Variants in DENND6B observed in about 807,000 individuals in gnomAD.
DENND6B encodes the protein protein DENND6B.
DENND6B carries 73 observed loss-of-function variants against 85.1 expected under a neutral mutation model. That is an observed-to-expected ratio of 0.86 (90% CI 0.71 to 1.04). DENND6B has a LOEUF of 1.04. Among genes scored for constraint, DENND6B ranks in the 50% least tolerant of loss-of-function variants. DENND6B has a pLI of 0.00. For synonymous variants in DENND6B, 357 were observed against 329.3 expected, an observed-to-expected ratio of 1.08 and a Z score of -0.91; for missense variants, 715 against 785.8, an observed-to-expected ratio of 0.91 and a Z score of 1.08.
In DENND6B at chr22:50,312,241, C is replaced by T. The variant is rs1368365135; in HGVS notation, c.1656G>A (p.Gln552=). 3 of 1,612,200 alleles carry T rather than the reference C, an allele frequency of 1.9e-6. No individual in the cohort carries two copies. The highest frequency in any genetic ancestry group is 2.5e-6 in the Non-Finnish European group (3 of 1,179,668). ...REKLVRAQGH[Q]LPVKEATLQR... is the part of the protein sequence containing the mutation. Reference sequence around the variant, plus strand: ...GCAGCGTAGCCTCCTTCACAGGGAGCTGGTGGCCCTGAGCCCGCACCTGGA... The same window carrying T: ...GCAGCGTAGCCTCCTTCACAGGGAGTTGGTGGCCCTGAGCCCGCACCTGGA... The change falls in exon 20 of 20, where the codon CAG becomes CAA. Residue 552 remains glutamine, a synonymous_variant. Transcript: ENST00000413817.
rs1427210256 is a variant in DENND6B, at chr22:50,313,618, C to T, written c.1293+17G>A. On this transcript the variant is annotated intron_variant, in intron 15 of 19. Coordinates refer to ENST00000413817, the MANE Select transcript of DENND6B (RefSeq NM_001001794.4). ...CCCGTGCCCCCCAGTCCCATGTCCC[C>T]CAGCCCCGGGCCTCACCAGGGGGAT... The T allele has an allele frequency of 1.9e-6, 3 of 1,552,374 alleles. No homozygotes were observed. The highest frequency in any genetic ancestry group is 1.9e-5 in the Admixed American group (1 of 51,804).
At chr22:50,315,359 C>T (rs560456378) in intron 9 of DENND6B, among the ~76,000 whole-genome samples, 2 of 152,350 alleles carry the variant, frequency 1.3e-5, no homozygotes, top group East Asian at 1.9e-4. Context: ...GCAGAGAAGG[C>T]GGCCTCAGGC....
chr22:50,314,602 T>G lies in DENND6B; in HGVS notation c.977+3A>C, dbSNP rs2041725281. 2 of 1,559,980 alleles carry G rather than the reference T, an allele frequency of 1.3e-6. No homozygotes were observed. Among genetic ancestry groups the G allele is most frequent in the Non-Finnish European group, 1.7e-6 (2 of 1,152,480 alleles). On this transcript the variant is annotated splice_donor_region_variant and intron_variant, in intron 11 of 19. Coordinates refer to ENST00000413817, the MANE Select transcript of DENND6B (RefSeq NM_001001794.4). ...CAAGAGGCGGGGCAGAGGCGGCACT[T>G]ACGGGGCCTGCGTGCGTGTGGTGAA... is the stretch of plus-strand genomic sequence containing the variant.
chr22:50,316,823 A>G (rs1271143455), intron 5 of DENND6B: 12 of 1,146,742 alleles, frequency 1.0e-5, no homozygotes, highest in South Asian at 2.9e-5. Flanking sequence ...TGACACTGAC[A>G]GTGTGATGAC....
chr22:50,324,286 A>G (rs1206723006), intron 1 of DENND6B, among the ~76,000 whole-genome samples: 3 of 152,160 alleles, frequency 2.0e-5, no homozygotes, highest in Non-Finnish European at 2.9e-5. Context: ...TCCTGTGAGC[A>G]CTATGGACTC....
intron 3 of DENND6B, among the ~76,000 whole-genome samples, chr22:50,318,417 G>C (rs1363065968): frequency 2.6e-5 from 4 of 152,158 alleles, no homozygotes; most frequent in African/African-American, 7.2e-5. Flanking sequence ...TCTGACTTCT[G>C]TACACCCTGC....
chr22:50,321,543 T>C (rs1024204021), intron 1 of DENND6B, among the ~76,000 whole-genome samples: 6 of 151,688 alleles, frequency 4.0e-5, no homozygotes, highest in Non-Finnish European at 7.4e-5. Context: ...TTCTATTTTT[T>C]AGTAGAGACA....
chr22:50,319,861 C>A (rs1006530779), intron 1 of DENND6B, among the ~76,000 whole-genome samples: 13 of 152,386 alleles, frequency 8.5e-5, no homozygotes, highest in East Asian at 3.9e-4. Flanking sequence ...CCTGCACCCC[C>A]AGGAGTGGAC....
Position 50,317,310 on chromosome 22 carries a change from T to C in DENND6B, c.436A>G (p.Arg146Gly). The C allele has an allele frequency of 6.2e-7, 1 of 1,612,826 alleles. No homozygotes were observed. The highest frequency in any genetic ancestry group is 8.5e-7 in the Non-Finnish European group (1 of 1,179,596). ...FRQVKDSSVK[R>G]GYFQKSLVLV... ...CAGCGCACCTTCTGGAAGTAGCCCC[T>C]CTTCACAGAGCTGTCCTTCACCTGC... Residue 146 changes from arginine (R) to glycine (G), a missense_variant, in exon 5 of 20, where the codon AGG (arginine) becomes GGG (glycine). Coordinates refer to ENST00000413817, the MANE Select transcript of DENND6B (RefSeq NM_001001794.4).
chr22:50,312,718 G>T (rs1397682740), intron 17 of DENND6B, 93 bp from the exon 18 acceptor site: 1 of 548,060 alleles, frequency 1.8e-6, no homozygotes, highest in Non-Finnish European at 3.3e-6. Flanking sequence ...GACAGGCGGG[G>T]GGCCATGGGG....
At chr22:50,323,165 CTTGTTTT>C (rs1435490658) in intron 1 of DENND6B, among the ~76,000 whole-genome samples, 2 of 149,878 alleles carry the variant, frequency 1.3e-5, no homozygotes, top group East Asian at 3.9e-4. Context: ...CCACGCCCGG[CTTGTTTT>C]TTGTTTTTTA....
At chr22:50,316,707 T>TA in intron 5 of DENND6B, 1 of 1,462,564 alleles carries the variant, frequency 6.8e-7, no homozygotes. Flanking sequence ...GGCTGGACCC[T>TA]AGGGCCTTCG....
intron 1 of DENND6B, among the ~76,000 whole-genome samples, chr22:50,323,353 G>C (rs1431181093): frequency 3.4e-5 from 5 of 145,256 alleles, no homozygotes; most frequent in African/African-American, 1.3e-4. Context: ...GCAGTGGCAC[G>C]ATCTCAGCTC....
At chr22:50,321,168 G>A (rs939678355) in intron 1 of DENND6B, among the ~76,000 whole-genome samples, 3 of 152,056 alleles carry the variant, frequency 2.0e-5, no homozygotes, top group Non-Finnish European at 4.4e-5. Context: ...TGCAGGGAGC[G>A]GTTCCCAAGG....
chr22:50,319,243 G>A (rs1363276548), intron 1 of DENND6B: 1 of 1,454,588 alleles, frequency 6.9e-7, no homozygotes, highest in Non-Finnish European at 9.1e-7. Flanking sequence ...CACCTTCTCT[G>A]GCTGTGATGT....
chr22:50,321,161 A>C (rs2042030339), intron 1 of DENND6B, among the ~76,000 whole-genome samples: 1 of 152,078 alleles, frequency 6.6e-6, no homozygotes, highest in Admixed American at 6.5e-5. Context: ...AGGCACATGC[A>C]GGGAGCGGTT....
chr22:50,313,387 C>A, intron 16 of DENND6B, 59 bp downstream of exon 16: 2 of 1,520,654 alleles, frequency 1.3e-6, no homozygotes, highest in South Asian at 1.3e-5. Context: ...TTCCCTCCTC[C>A]GGGTGAGGAA....
intron 4 of DENND6B, 40 bp downstream of exon 4, chr22:50,317,868 G>A (rs376256267): frequency 1.3e-6 from 2 of 1,568,966 alleles, no homozygotes; most frequent in African/African-American, 2.7e-5. Context: ...CCCTTGGGGA[G>A]CAGGGGAGAA....
At position 50,327,000 on chromosome 22, in the gene DENND6B, C is replaced by T. The variant is rs2042208681; in HGVS notation, c.-12G>A. On this transcript the variant is annotated 5_prime_UTR_variant, in exon 1 of 20. Coordinates refer to ENST00000413817, the MANE Select transcript of DENND6B (RefSeq NM_001001794.4). ...AACAGCGCGTCCATGGCGGCGGCCG[C>T]GGGTTGCCGGGGAAACGCGGGCGGG... 8.5e-7 allele frequency: 1 copy of T among 1,178,768 alleles called. No homozygotes were observed. Among genetic ancestry groups the T allele is most frequent in the Non-Finnish European group, 1.0e-6 (1 of 955,004 alleles). The allele number at this position is 1,178,768 out of a possible 1,614,324, so 73.0% of individuals were successfully genotyped here.
Sources: allele counts gnomAD v4.1 joint callset (sites outside exome capture counted in the v4.1 genomes callset), GRCh38; gene constraint gnomAD v4.1.1; transcripts MANE v1.5; gene names NCBI Gene and HGNC (gene_info 2026-07-23, HGNC 2026-07-21).